TIAM2: variants seen among roughly 807,000 people sequenced by gnomAD.
The protein encoded by TIAM2 is TIAM Rac1 associated GEF 2, also known as rho guanine nucleotide exchange factor TIAM2.
In TIAM2, 80 loss-of-function variants were observed where a neutral mutation model predicts 152.9. That is an observed-to-expected ratio of 0.52 (90% CI 0.44 to 0.63). The LOEUF (loss-of-function observed/expected upper bound fraction) is 0.63. Ranked by LOEUF, TIAM2 falls within the 30% of genes least tolerant of loss-of-function variation. The pLI is 0.00. For missense variants in TIAM2, 1,965 were observed against 2,120.1 expected (o/e 0.93, Z 1.44); for synonymous variants, 804 against 838.0 (o/e 0.96, Z 0.70).
chr6:155,186,671 C>T lies in TIAM2; in HGVS notation c.3064+3171C>T, dbSNP rs1273195863. ...GGAATTCTGAAAACGTGCTTCTCCT[C>T]CTCCTCCCTCGCTTTTGCAGCTTCC... On this transcript the variant is annotated intron_variant, in intron 14 of 26. Coordinates refer to ENST00000682666, the MANE Select transcript of TIAM2 (RefSeq NM_012454.4). The surrounding 1 kb of genome is among the most constrained non-coding windows in gnomAD (Gnocchi z 4.5). Among the ~76,000 whole-genome samples the T allele has an allele frequency of 6.6e-6, 1 of 152,148 alleles. No homozygotes were observed. The highest frequency in any genetic ancestry group is 6.5e-5 in the Admixed American group (1 of 15,272).
At chr6:155,111,327 ACACACACACACT>A (rs774997940) in intron 2 of TIAM2, among the ~76,000 whole-genome samples, 2 of 127,178 alleles carry the variant, frequency 1.6e-5, no homozygotes, top group East Asian at 2.5e-4. Flanking sequence ...ACACACACAC[ACACACACACACT>A]CTCCGTTGAA....
intron 7 of TIAM2, among the ~76,000 whole-genome samples, chr6:155,162,155 G>A (rs1165950822): frequency 1.3e-5 from 2 of 150,152 alleles, no homozygotes; most frequent in Admixed American, 6.6e-5. Context: ...ACAGGATTTC[G>A]CCATGTTGCC....
At chr6:155,019,694 G>A (rs1192066788) in intron 1 of TIAM2, among the ~76,000 whole-genome samples, 1 of 152,176 alleles carries the variant, frequency 6.6e-6, no homozygotes, top group African/African-American at 2.4e-5. Context: ...GGCTAGTCTT[G>A]GAGAATTTTC....
intron 7 of TIAM2, among the ~76,000 whole-genome samples, chr6:155,159,606 A>C (rs932504046): frequency 6.6e-6 from 1 of 152,124 alleles, no homozygotes; most frequent in Non-Finnish European, 1.5e-5. Context: ...CAGCCTTTCT[A>C]AATACTATAA....
At chr6:155,017,003 A>T (rs1405825406) in intron 1 of TIAM2, among the ~76,000 whole-genome samples, 2 of 152,230 alleles carry the variant, frequency 1.3e-5, no homozygotes, top group Non-Finnish European at 2.9e-5. Flanking sequence ...ATACTTGAGT[A>T]CATTCAAAAA....
intron 25 of TIAM2, 106 bp downstream of exon 25, chr6:155,254,166 C>G: frequency 8.0e-7 from 1 of 1,244,222 alleles, no homozygotes; most frequent in Non-Finnish European, 1.1e-6. Context: ...ATATCAGGGT[C>G]ATACTCCCCA....
chr6:155,232,718 ATCTC>A (rs200310926), intron 15 of TIAM2: 64,389 of 151,448 alleles, frequency 0.43, 14,538 homozygotes, highest in Middle Eastern at 0.56. Context: ...AGGGAGAGGG[ATCTC>A]CCGCCAGGGA....
intron 9 of TIAM2, among the ~76,000 whole-genome samples, chr6:155,173,199 G>GTCTGTCTGTC (rs56164997): frequency 2.0e-3 from 304 of 149,766 alleles, no homozygotes; most frequent in African/African-American, 7.1e-3. Flanking sequence ...GTGTGTGTGT[G>GTCTGTCTGTC]TGTCTGTCTG....
chr6:155,074,871 A>AAAC (rs1777920367), intron 1 of TIAM2, among the ~76,000 whole-genome samples: 1 of 151,400 alleles, frequency 6.6e-6, no homozygotes, highest in African/African-American at 2.4e-5. Flanking sequence ...AAAAAAAAAA[A>AAAC]AAAAAAACCT....
At chr6:155,037,821 C>T (rs1157088369) in intron 1 of TIAM2, among the ~76,000 whole-genome samples, 2 of 152,132 alleles carry the variant, frequency 1.3e-5, no homozygotes, top group African/African-American at 2.4e-5. Context: ...TGAGCCACCG[C>T]GTCCAGCCCT....
At chr6:155,195,557 T>C (rs1339966616) in intron 14 of TIAM2, among the ~76,000 whole-genome samples, 2 of 152,186 alleles carry the variant, frequency 1.3e-5, no homozygotes, top group Admixed American at 1.3e-4. Flanking sequence ...CACGTGGAGC[T>C]TACTTGTATT....
Position 155,123,543 on chromosome 6 carries a change from T to TA in TIAM2, c.-117-3940dup, listed in dbSNP as rs554446572. Among the ~76,000 whole-genome samples the TA allele has an allele frequency of 1.7e-3, 252 of 152,214 alleles. 3 individuals are homozygous for TA. The highest frequency in any genetic ancestry group is 6.0e-3 in the African/African-American group (248 of 41,546). Reference sequence around the variant, plus strand: ...GTGTTTTTAGAAATATCCCATGAAATAAAAAAATTAAGCTATTTAATTGCA... The same window carrying TA: ...GTGTTTTTAGAAATATCCCATGAAATAAAAAAAATTAAGCTATTTAATTGCA... On this transcript the variant is annotated intron_variant, in intron 2 of 26. Coordinates refer to ENST00000682666, the MANE Select transcript of TIAM2 (RefSeq NM_012454.4).
At position 155,164,418 on chromosome 6, in the gene TIAM2, C is replaced by A; in HGVS notation, c.2032C>A (p.Gln678Lys). ...TCACCTCTGTTTTTGCTTTAAGATC[C>A]AGCAATGGGAGCAGAATCTTGAGAA... ...KNRKAIENQIQQWEQNLEKFH... is the reference protein window; with the variant it reads ...KNRKAIENQIKQWEQNLEKFH... The change falls in exon 8 of 27, where the codon CAG becomes AAG. Residue 678 changes from glutamine (Q) to lysine (K), a missense_variant. Physicochemically the swap from Gln to Lys is moderately conservative, Grantham distance 53 (BLOSUM62 1). This residue lies in a region of TIAM2 where 1,025 missense variants were observed against 1,119.4 expected (regional missense o/e 0.92). Transcript: ENST00000682666. 6.4e-7 allele frequency: 1 copy of A among 1,570,674 alleles called. No homozygotes were observed. Among genetic ancestry groups the A allele is most frequent in the South Asian group, 1.2e-5 (1 of 85,404 alleles).
intron 14 of TIAM2, among the ~76,000 whole-genome samples, chr6:155,184,349 T>C (rs1387380781): frequency 6.6e-6 from 1 of 152,202 alleles, no homozygotes; most frequent in African/African-American, 2.4e-5. Flanking sequence ...GGCCTAAAAA[T>C]GAAAAACTGT....
intron 7 of TIAM2, among the ~76,000 whole-genome samples, chr6:155,163,011 G>A (rs1241067467): frequency 4.6e-5 from 7 of 152,170 alleles, no homozygotes; most frequent in Non-Finnish European, 1.0e-4. Context: ...AAGGTCTGGG[G>A]AATGCCCAGA....
chr6:155,028,811 TATA>T (rs1235822797), intron 1 of TIAM2, among the ~76,000 whole-genome samples: 1 of 135,560 alleles, frequency 7.4e-6, no homozygotes, highest in African/African-American at 2.7e-5. Context: ...ATATACTATA[TATA>T]ATATATATAC....
At chr6:155,145,170 C>T (rs929568496) in intron 6 of TIAM2, among the ~76,000 whole-genome samples, 6 of 152,040 alleles carry the variant, frequency 3.9e-5, no homozygotes, top group Non-Finnish European at 8.8e-5. Context: ...GTTCTTGCCA[C>T]GGATCTCAGT....
At chr6:155,056,724 C>T (rs1331557490) in intron 1 of TIAM2, among the ~76,000 whole-genome samples, 2 of 151,934 alleles carry the variant, frequency 1.3e-5, no homozygotes, top group Admixed American at 1.3e-4. Flanking sequence ...TCCAGCTTCC[C>T]CTATTATTAA....
At chr6:155,212,677 G>A (rs1478718329) in intron 15 of TIAM2, among the ~76,000 whole-genome samples, 30 of 142,944 alleles carry the variant, frequency 2.1e-4, no homozygotes, top group Admixed American at 1.7e-3. Flanking sequence ...AGTTTTGCTC[G>A]GGCCCACTAG....
Sources: gnomAD v4.1 joint callset for allele counts (sites outside exome capture counted in the v4.1 genomes callset) on GRCh38, gnomAD v4.1.1 for gene constraint, gnomAD v4.1.1 regional missense constraint, Gnocchi (gnomAD v3.1) non-coding constraint, MANE v1.5 for transcripts, NCBI Gene and HGNC (gene_info 2026-07-23, HGNC 2026-07-21) for gene names.